The following GANAB variants were observed in gnomAD, a reference collection of about 807,000 sequenced individuals.
The protein encoded by GANAB is neutral alpha-glucosidase AB.
In GANAB, 35 loss-of-function variants were observed where a neutral mutation model predicts 129.9. The observed-to-expected ratio is 0.27, with a 90% confidence interval of 0.21 to 0.36. GANAB has a LOEUF of 0.36. Ranked by LOEUF, GANAB falls within the 10% of genes least tolerant of loss-of-function variation. GANAB has a pLI of 1.00. For missense variants in GANAB, 939 were observed against 1,221.0 expected, an observed-to-expected ratio of 0.77 and a Z score of 3.44; for synonymous variants, 482 against 451.8, an observed-to-expected ratio of 1.07 and a Z score of -0.85.
chr11:62,626,399 A>T lies in GANAB; in HGVS notation c.2560T>A (p.Tyr854Asn). 6.2e-7 allele frequency: 1 copy of T among 1,613,816 alleles called. No individual in the cohort carries two copies. The highest frequency in any genetic ancestry group is 8.5e-7 in the Non-Finnish European group (1 of 1,179,672). Residue 854 changes from tyrosine to asparagine, a missense_variant, in exon 22 of 24, where the codon TAT becomes AAT. Physicochemically the swap from Tyr to Asn is moderately radical, Grantham distance 143. This residue lies in a region of GANAB where 230 missense variants were observed against 259.9 expected (regional missense o/e 0.89). Coordinates refer to ENST00000356638, the MANE Select transcript of GANAB (RefSeq NM_198334.3). ...AGCAGGAACTCTTGGCGAGTCTGAT[A>T]GTTGAACGTGTGCCCATCATCCAGA... ...LFLDDGHTFN[Y>N]QTRQEFLLRR...
intron 1 of GANAB, 181 bp from the exon 2 acceptor site, chr11:62,639,912 A>G: frequency 3.4e-6 from 2 of 584,180 alleles, no homozygotes; most frequent in Non-Finnish European, 6.1e-6. Flanking sequence ...ATCAGGCCTG[A>G]GAAGTTGGCT....
chr11:62,644,657 CT>C (rs1944399907), intron 1 of GANAB, among the ~76,000 whole-genome samples: 2 of 152,004 alleles, frequency 1.3e-5, no homozygotes, highest in South Asian at 4.2e-4. Flanking sequence ...AATGGGGTGT[CT>C]ACTAAAAATA....
chr11:62,637,885 C>A (rs1413861859), intron 4 of GANAB, among the ~76,000 whole-genome samples: 2 of 149,144 alleles, frequency 1.3e-5, no homozygotes, highest in Middle Eastern at 3.4e-3. Context: ...TGGGAGACAG[C>A]GAGACTCCAT....
chr11:62,627,975 G>C (rs897760851), intron 17 of GANAB, among the ~76,000 whole-genome samples: 5 of 152,170 alleles, frequency 3.3e-5, no homozygotes, highest in Non-Finnish European at 7.3e-5. Flanking sequence ...ACCCTGGCTT[G>C]CAAGGCCCTC....
chr11:62,634,032 T>C, intron 5 of GANAB: 1 of 432,900 alleles, frequency 2.3e-6, no homozygotes, highest in Non-Finnish European at 4.2e-6. Flanking sequence ...GCCCCTCAGC[T>C]GAGAGTCAGG....
intron 1 of GANAB, among the ~76,000 whole-genome samples, chr11:62,642,462 C>G (rs192789659): frequency 2.7e-5 from 4 of 149,696 alleles, no homozygotes; most frequent in Admixed American, 1.3e-4. Context: ...TGAGATGGAG[C>G]CTTGCTCTGT....
intron 1 of GANAB, among the ~76,000 whole-genome samples, chr11:62,640,694 G>T (rs1021430834): frequency 6.6e-6 from 1 of 151,646 alleles, no homozygotes; most frequent in Non-Finnish European, 1.5e-5. Context: ...TTATCCAGGC[G>T]TGGTGGTGGG....
chr11:62,634,631 C>T, intron 5 of GANAB, 190 bp downstream of exon 5: 4 of 616,500 alleles, frequency 6.5e-6, no homozygotes, highest in Non-Finnish European at 1.1e-5. Flanking sequence ...AAGTGACTGC[C>T]TCCTGGTCTG....
chr11:62,646,545 G>C lies in GANAB; in HGVS notation c.38+17C>G, dbSNP rs200471233. 7.4e-6 allele frequency: 12 copies of C among 1,613,178 alleles called. 1 individual carries two copies. In the South Asian group the frequency reaches 8.8e-5, roughly 12 times the overall value. On this transcript the variant is annotated intron_variant, in intron 1 of 23. Transcript: ENST00000356638. ...TGGGGGCGTCCCGGGCGCGCCCCCAGATTCCGGGCTCCTCACCGCCTCCTA... is the reference window on the plus strand; with the variant it reads ...TGGGGGCGTCCCGGGCGCGCCCCCACATTCCGGGCTCCTCACCGCCTCCTA...
intron 16 of GANAB, 48 bp downstream of exon 16, chr11:62,629,146 T>A: frequency 3.9e-6 from 6 of 1,547,358 alleles, no homozygotes; most frequent in Non-Finnish European, 5.4e-6. Flanking sequence ...GCCCTCTACT[T>A]TGCCCCTTTC....
chr11:62,625,009 G>A lies in GANAB; in HGVS notation c.*806C>T, dbSNP rs550920016. ...CATGATCATCTCCCCCCACCCTCAG[G>A]CTTCTCCTAGCAATAAATACAGGTG... On this transcript the variant is annotated 3_prime_UTR_variant, in exon 24 of 24. Coordinates refer to ENST00000356638, the MANE Select transcript of GANAB (RefSeq NM_198334.3). 8.8e-5 allele frequency: 24 copies of A among 273,014 alleles called. No individual in the cohort carries two copies. The highest frequency in any genetic ancestry group is 6.1e-4 in the South Asian group (22 of 36,182). The allele number at this position is 273,014 out of a possible 1,614,324, so 16.9% of individuals were successfully genotyped here. A position where few individuals can be genotyped will look rare whatever the true frequency, so the allele number is the denominator to read the frequency against.
At chr11:62,631,904 A>G (rs1308174150) in intron 9 of GANAB, among the ~76,000 whole-genome samples, 1 of 151,458 alleles carries the variant, frequency 6.6e-6, no homozygotes, top group Non-Finnish European at 1.5e-5. Flanking sequence ...GACATGAGCT[A>G]TCATGCCCGG....
chr11:62,637,333 T>C (rs1004387441), intron 4 of GANAB, among the ~76,000 whole-genome samples: 17 of 152,222 alleles, frequency 1.1e-4, no homozygotes, highest in African/African-American at 4.1e-4. Flanking sequence ...CCTGTAATCC[T>C]AGCACTTTGG....
chr11:62,646,445 AGGTTCCTCACGAGGCCGGGGGT>A, intron 1 of GANAB, 95 bp downstream of exon 1: 2 of 1,187,630 alleles, frequency 1.7e-6, no homozygotes, highest in South Asian at 2.5e-5. Flanking sequence ...AGAGGAACAA[AGGTTCCTCACGAGGCCGGGGGT>A]GGCAGAGTGT....
Position 62,632,544 on chromosome 11 carries a change from TC to T in GANAB, c.996+20del, listed in dbSNP as rs769999604. The T allele has an allele frequency of 5.0e-6, 8 of 1,597,288 alleles. 1 individual carries two copies. Among genetic ancestry groups the T allele is most frequent in the South Asian group, 3.3e-5 (3 of 90,628 alleles). Reference sequence around the variant, plus strand: ...CCTGGAAGCTTCACTCCCTCCTTTTTCCCCGTGCCTGTGCTCTCACCTTCCC... The same window carrying T: ...CCTGGAAGCTTCACTCCCTCCTTTTTCCCGTGCCTGTGCTCTCACCTTCCC... On this transcript the variant is annotated intron_variant, in intron 9 of 23. Coordinates refer to ENST00000356638, the MANE Select transcript of GANAB (RefSeq NM_198334.3).
intron 9 of GANAB, 38 bp from the exon 10 acceptor site, chr11:62,631,221 C>A: frequency 1.3e-6 from 2 of 1,507,702 alleles, no homozygotes; most frequent in African/African-American, 1.4e-5. Context: ...ACACCTCCTG[C>A]CCTCCCATTT....
rs572433330 is a variant in GANAB at position 62,642,196 on chromosome 11, G to A, written c.39-2465C>T. On this transcript the variant is annotated intron_variant, in intron 1 of 23. Coordinates refer to ENST00000356638, the MANE Select transcript of GANAB (RefSeq NM_198334.3). ...TGCACTCCAGCCTGGGCAACAGAGC[G>A]TGACTCTGACTCAAAAAAAATAAAT... Among the ~76,000 whole-genome samples the A allele has an allele frequency of 6.6e-5, 10 of 152,078 alleles. No homozygotes were observed. The South Asian group carries it at 1.5e-3, about 22-fold the overall frequency.
chr11:62,630,608 C>A lies in GANAB; in HGVS notation c.1379G>T (p.Arg460Met). Residue 460 changes from arginine (R) to methionine (M), a missense_variant, in exon 11 of 24, where the codon AGG becomes ATG. By Grantham distance (91) the Arg-to-Met change is moderately conservative. Coordinates refer to ENST00000356638, the MANE Select transcript of GANAB (RefSeq NM_198334.3). ...RTMLERLASK[R>M]RKLVAIVDPH... ...GTGACTGCAACCCCTTACCTTCCGC[C>A]TCTTAGAAGCCAAGCGCTCAAGCAT... 1 of 1,611,742 alleles carries A rather than the reference C, an allele frequency of 6.2e-7. No individual in the cohort carries two copies. Among genetic ancestry groups the A allele is most frequent in the Non-Finnish European group, 8.5e-7 (1 of 1,178,012 alleles).
chr11:62,641,360 G>C (rs945432253), intron 1 of GANAB, among the ~76,000 whole-genome samples: 37 of 84,042 alleles, frequency 4.4e-4, no homozygotes, highest in Non-Finnish European at 1.5e-4. Flanking sequence ...AAAAAAAAAA[G>C]ATGTACCCTC....
Sources: gnomAD v4.1 joint callset for allele counts (sites outside exome capture counted in the v4.1 genomes callset) on GRCh38, gnomAD v4.1.1 for gene constraint, gnomAD v4.1.1 regional missense constraint, MANE v1.5 for transcripts, NCBI Gene and HGNC (gene_info 2026-07-23, HGNC 2026-07-21) for gene names.